PTPN20: variants seen among roughly 807,000 people sequenced by gnomAD.
The protein encoded by PTPN20 is protein tyrosine phosphatase non-receptor type 20, also known as tyrosine-protein phosphatase non-receptor type 20.
PTPN20 carries 9 observed loss-of-function variants against 35.0 expected under a neutral mutation model. That is an observed-to-expected ratio of 0.26 (90% CI 0.15 to 0.45). PTPN20 has a LOEUF of 0.45. Among genes scored for constraint, PTPN20 ranks in the 20% least tolerant of loss-of-function variants. The pLI is 1.00. For synonymous variants in PTPN20, 32 were observed against 100.2 expected, an observed-to-expected ratio of 0.32 and a Z score of 4.06; for missense variants, 111 against 312.5, an observed-to-expected ratio of 0.36 and a Z score of 4.86.
intron 5 of PTPN20, among the ~76,000 whole-genome samples, chr10:46,954,674 C>T (rs2047915387): frequency 6.8e-6 from 1 of 147,696 alleles, no homozygotes; most frequent in African/African-American, 2.6e-5. Flanking sequence ...TGTATCAATT[C>T]TATTGATATT....
chr10:46,926,244 C>T (rs2037332631), intron 1 of PTPN20: 1 of 869,066 alleles, frequency 1.2e-6, no homozygotes, highest in South Asian at 5.3e-5. Context: ...AGCCCACTGA[C>T]TGCACATTAT....
At chr10:46,936,518 C>T (rs1219546403) in intron 2 of PTPN20, among the ~76,000 whole-genome samples, 1 of 151,830 alleles carries the variant, frequency 6.6e-6, no homozygotes, top group African/African-American at 2.4e-5. Context: ...GATAGTGATT[C>T]TTCTGATGGC....
intron 7 of PTPN20, among the ~76,000 whole-genome samples, chr10:46,983,774 A>C (rs1321826200): frequency 1.5e-4 from 22 of 142,044 alleles, no homozygotes; most frequent in Non-Finnish European, 2.8e-4. Flanking sequence ...GCAGTCAACT[A>C]TCAGATTTTT....
chr10:46,949,353 G>T (rs1451831660), intron 5 of PTPN20, among the ~76,000 whole-genome samples: 2 of 152,232 alleles, frequency 1.3e-5, no homozygotes, highest in Non-Finnish European at 2.9e-5. Context: ...CCAGCTATCA[G>T]CAGTGCATTA....
rs542927918 is a variant in PTPN20, at chr10:46,920,550, G to A, written c.-124+9049G>A. ...ACAACCCTCCAGAGCAGAGGGTGCT[G>A]GGGGCAGGGTTCAGGGGATGAAGCT... On this transcript the variant is annotated intron_variant, in intron 1 of 10. Coordinates refer to ENST00000374339, the MANE Select transcript of PTPN20 (RefSeq NM_001042357.5). Among the ~76,000 whole-genome samples, 383 of 149,338 alleles carry A rather than the reference G, an allele frequency of 2.6e-3. 13 individuals are homozygous for A. Among genetic ancestry groups the A allele is most frequent in the African/African-American group, 9.5e-3 (372 of 39,040 alleles).
chr10:47,003,484 G>A (rs938527306), downstream of PTPN20, among the ~76,000 whole-genome samples: 1 of 151,856 alleles, frequency 6.6e-6, no homozygotes, highest in Non-Finnish European at 1.5e-5. Flanking sequence ...CTCAAAAATA[G>A]TATTAGCAAA....
At chr10:46,945,109 T>G (rs2044324328) in intron 4 of PTPN20, among the ~76,000 whole-genome samples, 1 of 138,482 alleles carries the variant, frequency 7.2e-6, no homozygotes, top group African/African-American at 3.2e-5. Context: ...CCAAGAGTTG[T>G]AGGGTGTATG....
intron 2 of PTPN20, among the ~76,000 whole-genome samples, chr10:46,935,791 G>A (rs1269164750): frequency 8.5e-5 from 13 of 152,208 alleles, no homozygotes; most frequent in South Asian, 8.3e-4. Flanking sequence ...TCTTTATGAC[G>A]GAACAATTTA....
At chr10:46,994,037 A>G (rs1216874829) in intron 9 of PTPN20, among the ~76,000 whole-genome samples, 1 of 149,834 alleles carries the variant, frequency 6.7e-6, no homozygotes, top group Admixed American at 6.6e-5. Flanking sequence ...ATACTTTATC[A>G]CTCCTTCATA....
intron 1 of PTPN20, among the ~76,000 whole-genome samples, chr10:46,915,853 A>G (rs1415574202): frequency 2.4e-5 from 2 of 81,826 alleles, no homozygotes; most frequent in East Asian, 7.5e-4. Context: ...AAAAAAAAAA[A>G]TGACCAGTGC....
rs2038838766 is a variant in PTPN20, at chr10:46,929,435, A to G, written c.-123-2942A>G. 2.0e-5 allele frequency among the ~76,000 whole-genome samples: 3 copies of G among 151,490 alleles called. No homozygotes were observed. In the South Asian group the frequency reaches 6.2e-4, roughly 31 times the overall value. On this transcript the variant is annotated intron_variant, in intron 1 of 10. Transcript: ENST00000374339. ...TTACGAACCTGACCACTGGTCCCTC[A>G]ATATCTTTCACAATCTTTCCCTAAG...
At chr10:46,947,999 A>G (rs1365173324) in intron 5 of PTPN20, 1 of 447,056 alleles carries the variant, frequency 2.2e-6, no homozygotes, top group African/African-American at 2.0e-5. Context: ...AGTGTATAAC[A>G]GACAAACTGT....
At chr10:46,995,533 T>C (rs2058944493) in intron 9 of PTPN20, among the ~76,000 whole-genome samples, 1 of 152,068 alleles carries the variant, frequency 6.6e-6, no homozygotes, top group Non-Finnish European at 1.5e-5. Context: ...TCCTGTGCAA[T>C]GTATCTTCTG....
chr10:46,947,386 C>G, intron 5 of PTPN20, among the ~76,000 whole-genome samples: 1 of 151,074 alleles, frequency 6.6e-6, no homozygotes, highest in South Asian at 2.1e-4. Flanking sequence ...AATGTCAAAT[C>G]CAGTTAAGAA....
At chr10:46,968,539 G>A (rs1300214011) in intron 7 of PTPN20, among the ~76,000 whole-genome samples, 1 of 152,190 alleles carries the variant, frequency 6.6e-6, no homozygotes, top group Non-Finnish European at 1.5e-5. Context: ...GTGTTGGATG[G>A]GAGGGTAGTG....
chr10:46,988,696 TC>T (rs1373043498), intron 9 of PTPN20, among the ~76,000 whole-genome samples: 1 of 151,950 alleles, frequency 6.6e-6, no homozygotes, highest in African/African-American at 2.4e-5. Flanking sequence ...AGGATGTCAC[TC>T]TTTTTTTATG....
intron 7 of PTPN20, among the ~76,000 whole-genome samples, chr10:46,981,112 A>C (rs1165494423): frequency 6.7e-6 from 1 of 150,088 alleles, no homozygotes; most frequent in African/African-American, 2.4e-5. Context: ...AATTGGTGAC[A>C]ATAAGGTCTG....
intron 4 of PTPN20, among the ~76,000 whole-genome samples, chr10:46,945,708 A>T (rs1309378297): frequency 6.6e-6 from 1 of 151,876 alleles, no homozygotes; most frequent in Non-Finnish European, 1.5e-5. Context: ...TGAAAGTGCA[A>T]CAAGAGCCAA....
At chr10:46,937,741 T>C (rs373769802) in intron 2 of PTPN20, among the ~76,000 whole-genome samples, 262 of 151,942 alleles carry the variant, frequency 1.7e-3, no homozygotes, top group African/African-American at 6.1e-3. Flanking sequence ...CTTTTAAAAA[T>C]TTATAATAGT....
Sources: gnomAD v4.1 joint callset for allele counts (sites outside exome capture counted in the v4.1 genomes callset) on GRCh38, gnomAD v4.1.1 for gene constraint, MANE v1.5 for transcripts, NCBI Gene and HGNC (gene_info 2026-07-23, HGNC 2026-07-21) for gene names.